Variants in SEPTIN9 observed in about 807,000 individuals in gnomAD.
SEPTIN9 encodes septin 9.
Under a neutral mutation model 56.6 loss-of-function variants are expected in SEPTIN9, and 13 were observed. The ratio of observed to expected loss-of-function variants is 0.23; its 90% CI spans 0.15 to 0.37. The LOEUF (loss-of-function observed/expected upper bound fraction) is 0.37. Ranked by LOEUF, SEPTIN9 falls within the 10% of genes least tolerant of loss-of-function variation. The pLI is 1.00. For synonymous variants in SEPTIN9, 332 were observed against 334.1 expected, an observed-to-expected ratio of 0.99 and a Z score of 0.07; for missense variants, 650 against 823.1, an observed-to-expected ratio of 0.79 and a Z score of 2.57.
intron 3 of SEPTIN9, among the ~76,000 whole-genome samples, chr17:77,472,139 C>G (rs1275933209): frequency 6.6e-6 from 1 of 152,146 alleles, no homozygotes; most frequent in South Asian, 2.1e-4. Flanking sequence ...GGTGAAAAAA[C>G]TCAGGCTAGG....
rs970372253 is a variant in SEPTIN9, at chr17:77,405,556, C to T, written c.721+2853C>T. ...CCTGTGCAGGTGGGAGTCCAGCTCACGTGGAGAGGTCCGTGGGCTGGGCTG... is the reference window on the plus strand; with the variant it reads ...CCTGTGCAGGTGGGAGTCCAGCTCATGTGGAGAGGTCCGTGGGCTGGGCTG... On this transcript the variant is annotated intron_variant, in intron 3 of 11. Coordinates refer to ENST00000427177, the MANE Select transcript of SEPTIN9 (RefSeq NM_001113491.2). This position sits in a 1 kb window ranked among gnomAD's most constrained non-coding sequence, Gnocchi z 5.8. Among the ~76,000 whole-genome samples the T allele has an allele frequency of 6.6e-6, 1 of 152,164 alleles. No individual in the cohort carries two copies. The highest frequency in any genetic ancestry group is 2.4e-5 in the African/African-American group (1 of 41,428).
Position 77,421,727 on chromosome 17 carries a change from C to T in SEPTIN9, c.721+19024C>T, listed in dbSNP as rs1257200527. 6.6e-6 allele frequency among the ~76,000 whole-genome samples: 1 copy of T among 152,198 alleles called. No homozygotes were observed. The highest frequency in any genetic ancestry group is 2.4e-5 in the African/African-American group (1 of 41,436). On this transcript the variant is annotated intron_variant, in intron 3 of 11. Coordinates refer to ENST00000427177, the MANE Select transcript of SEPTIN9 (RefSeq NM_001113491.2). The surrounding 1 kb of genome is among the most constrained non-coding windows in gnomAD (Gnocchi z 4.6). ...CTCGGCCGACGTCTTTCCCCAGGCA[C>T]TTCCTCTCACCGTGCCAGGGTGCAG...
chr17:77,481,691 A>G (rs1019244507), intron 3 of SEPTIN9, among the ~76,000 whole-genome samples: 7 of 151,900 alleles, frequency 4.6e-5, no homozygotes, highest in African/African-American at 1.5e-4. Flanking sequence ...GGTACAGCTT[A>G]TCTGAGTAGA....
chr17:77,298,051 G>A (rs572850089), intron 1 of SEPTIN9, among the ~76,000 whole-genome samples: 2 of 152,334 alleles, frequency 1.3e-5, no homozygotes, highest in African/African-American at 4.8e-5. Context: ...GCAGGTCAAA[G>A]AGGAGCCTGG....
At chr17:77,331,704 G>A (rs1432079476) in intron 2 of SEPTIN9, among the ~76,000 whole-genome samples, 1 of 152,234 alleles carries the variant, frequency 6.6e-6, no homozygotes, top group Non-Finnish European at 1.5e-5. Flanking sequence ...CACTGCGGGC[G>A]AGGGGAAGTG....
In SEPTIN9 at chr17:77,499,132, G is replaced by A. The variant is rs1423235412; in HGVS notation, c.*474G>A. On this transcript the variant is annotated 3_prime_UTR_variant, in exon 12 of 12. Transcript: ENST00000427177. Reference sequence around the variant, plus strand: ...CCCAGGGGAGAATGCAGCCCACCAGGAGCACCTGGACCCCCTGCCCGCCAC... The same window carrying A: ...CCCAGGGGAGAATGCAGCCCACCAGAAGCACCTGGACCCCCTGCCCGCCAC... 1 of 536,234 alleles carries A rather than the reference G, an allele frequency of 1.9e-6. No individual in the cohort carries two copies. The highest frequency in any genetic ancestry group is 2.2e-5 in the Admixed American group (1 of 45,046). 33.2% of individuals were successfully genotyped at this position (536,234 alleles called of 1,614,324 possible).
In SEPTIN9 at chr17:77,475,919, G is replaced by T. The variant is rs1000976494; in HGVS notation, c.722-6225G>T. On this transcript the variant is annotated intron_variant, in intron 3 of 11. Coordinates refer to ENST00000427177, the MANE Select transcript of SEPTIN9 (RefSeq NM_001113491.2). This position sits in a 1 kb window ranked among gnomAD's most constrained non-coding sequence, Gnocchi z 4.6. ...GACAGACAAGGTGTGTGGGGATGTG[G>T]CCATTTCGGTCCGTGCTCTGAGAGC... 1.9e-6 allele frequency: 3 copies of T among 1,600,604 alleles called. No homozygotes were observed. The highest frequency in any genetic ancestry group is 8.5e-7 in the Non-Finnish European group (1 of 1,171,170).
chr17:77,290,623 C>G (rs1042843679), intron 1 of SEPTIN9, among the ~76,000 whole-genome samples: 8 of 151,344 alleles, frequency 5.3e-5, no homozygotes, highest in African/African-American at 1.7e-4. Context: ...GTCAGAAGAT[C>G]GAGACCATGG....
intron 2 of SEPTIN9, among the ~76,000 whole-genome samples, chr17:77,381,438 C>G (rs181874424): frequency 6.8e-6 from 1 of 147,730 alleles, no homozygotes; most frequent in Non-Finnish European, 1.5e-5. Flanking sequence ...AAGCTGGTTC[C>G]AAGCAGGGAC....
chr17:77,337,858 A>G (rs1351782385), intron 2 of SEPTIN9, among the ~76,000 whole-genome samples: 1 of 152,202 alleles, frequency 6.6e-6, no homozygotes, highest in African/African-American at 2.4e-5. Flanking sequence ...CAAATATTGC[A>G]ATAAAGCACG....
In SEPTIN9 at chr17:77,413,154, G is replaced by T. The variant is rs576175470; in HGVS notation, c.721+10451G>T. On this transcript the variant is annotated intron_variant, in intron 3 of 11. Transcript: ENST00000427177. The stretch of plus-strand genomic sequence containing the variant: ...TTATCAGTTTTGGTGTCTGCATTGT[G>T]CTGGCTTAGCAAAAACAATTTGGAT... Among the ~76,000 whole-genome samples, 3 of 151,768 alleles carry T rather than the reference G, an allele frequency of 2.0e-5. No individual in the cohort carries two copies. The East Asian group carries it at 5.8e-4, about 29-fold the overall frequency.
intron 3 of SEPTIN9, among the ~76,000 whole-genome samples, chr17:77,411,473 T>C (rs1192545534): frequency 6.6e-6 from 1 of 151,528 alleles, no homozygotes; most frequent in African/African-American, 2.4e-5. Context: ...TGGCTCACTG[T>C]AACCTCCACC....
At chr17:77,484,781 A>G (rs1191343511) in intron 4 of SEPTIN9, among the ~76,000 whole-genome samples, 3 of 50,842 alleles carry the variant, frequency 5.9e-5, no homozygotes, top group African/African-American at 2.2e-4. Context: ...GGTGGTGGTG[A>G]TTGTGATGGT....
At chr17:77,332,948 T>C (rs1435723818) in intron 2 of SEPTIN9, among the ~76,000 whole-genome samples, 1 of 152,240 alleles carries the variant, frequency 6.6e-6, no homozygotes, top group Admixed American at 6.5e-5. Context: ...GTACAAGTTT[T>C]TCTGTGCATA....
At chr17:77,290,486 T>G (rs2031492770) in intron 1 of SEPTIN9, among the ~76,000 whole-genome samples, 1 of 151,678 alleles carries the variant, frequency 6.6e-6, no homozygotes, top group South Asian at 2.1e-4. Flanking sequence ...GTCTCAATCT[T>G]CTGACCTCGT....
At position 77,429,012 on chromosome 17, in the gene SEPTIN9, G is replaced by A. The variant is rs1305683896; in HGVS notation, c.721+26309G>A. ...TGGTAAGCCGTCAGAGGAGGCAGCCGGTGAGAATGGGAGCATCTCAGCAGC... is the reference window on the plus strand; with the variant it reads ...TGGTAAGCCGTCAGAGGAGGCAGCCAGTGAGAATGGGAGCATCTCAGCAGC... On this transcript the variant is annotated intron_variant, in intron 3 of 11. Coordinates refer to ENST00000427177, the MANE Select transcript of SEPTIN9 (RefSeq NM_001113491.2). This position sits in a 1 kb window ranked among gnomAD's most constrained non-coding sequence, Gnocchi z 5.2. 1.5e-5 allele frequency: 7 copies of A among 471,370 alleles called. No homozygotes were observed. The highest frequency in any genetic ancestry group is 3.2e-4 in the Middle Eastern group (1 of 3,082). 29.2% of individuals were successfully genotyped at this position (471,370 alleles called of 1,614,324 possible).
At chr17:77,465,592 G>A (rs1190365600) in intron 3 of SEPTIN9, among the ~76,000 whole-genome samples, 1 of 139,834 alleles carries the variant, frequency 7.2e-6, no homozygotes, top group Non-Finnish European at 1.6e-5. Flanking sequence ...GAACTAGGAT[G>A]AATGGACATT....
intron 2 of SEPTIN9, among the ~76,000 whole-genome samples, chr17:77,377,925 G>C (rs1437710751): frequency 6.6e-6 from 1 of 152,180 alleles, no homozygotes; most frequent in Non-Finnish European, 1.5e-5. Flanking sequence ...GGGAGTGGGG[G>C]CAGGCCTCTT....
chr17:77,443,231 T>A (rs1365291011), intron 3 of SEPTIN9, among the ~76,000 whole-genome samples: 1 of 152,116 alleles, frequency 6.6e-6, no homozygotes, highest in Non-Finnish European at 1.5e-5. Context: ...GTATCAGCCA[T>A]GAGTTTGCAG....
Sources: allele counts gnomAD v4.1 joint callset (sites outside exome capture counted in the v4.1 genomes callset), GRCh38; gene constraint gnomAD v4.1.1; non-coding constraint Gnocchi (gnomAD v3.1); transcripts MANE v1.5; gene names NCBI Gene and HGNC (gene_info 2026-07-23, HGNC 2026-07-21).